The following SNX7 variants were observed in gnomAD, a reference collection of about 807,000 sequenced individuals.
The protein encoded by SNX7 is sorting nexin 7.
A neutral mutation model predicts 48.4 loss-of-function variants in SNX7; 35 were observed. The ratio of observed to expected loss-of-function variants is 0.72; its 90% CI spans 0.55 to 0.96. The LOEUF (loss-of-function observed/expected upper bound fraction) is 0.96. Ranked by LOEUF, SNX7 falls within the 40% of genes least tolerant of loss-of-function variation. SNX7 has a pLI of 0.00. For synonymous variants in SNX7, 190 were observed against 190.2 expected (o/e 1.00, Z 0.01); for missense variants, 553 against 548.9 (o/e 1.01, Z -0.07).
intron 4 of SNX7, among the ~76,000 whole-genome samples, chr1:98,695,226 T>C (rs1434082301): frequency 6.6e-6 from 1 of 152,184 alleles, no homozygotes; most frequent in Non-Finnish European, 1.5e-5. Flanking sequence ...TAGTATCTCA[T>C]TGAGCACTAT....
In SNX7 at chr1:98,738,281, T is replaced by C. The variant is rs72726148; in HGVS notation, c.1170T>C (p.Ala390=). The change falls in exon 8 of 9, where the codon GCT becomes GCC. Residue 390 remains alanine, a synonymous_variant. Coordinates refer to ENST00000306121, the MANE Select transcript of SNX7 (RefSeq NM_015976.5). ...AACTTGAAGATAAAGTGGAATGTGC[T>C]AATAATGCCCTGAAAGCAGATTGGG... ...IGKLEDKVEC[A]NNALKADWER... 7.5e-4 allele frequency: 1,211 copies of C among 1,613,530 alleles called. 11 individuals are homozygous for C. In the East Asian group the frequency reaches 0.021, roughly 28 times the overall value.
chr1:98,672,848 C>T (rs888418471), intron 1 of SNX7, among the ~76,000 whole-genome samples: 21 of 134,006 alleles, frequency 1.6e-4, no homozygotes, highest in African/African-American at 5.7e-4. Flanking sequence ...GGCGTGAACC[C>T]GGGAAGCGGA....
At chr1:98,756,522 T>C (rs1156565627) in intron 8 of SNX7, among the ~76,000 whole-genome samples, 3 of 149,264 alleles carry the variant, frequency 2.0e-5, no homozygotes, top group Non-Finnish European at 4.4e-5. Context: ...GTCTGCCTGA[T>C]GGGATTCTGT....
intron 2 of SNX7, among the ~76,000 whole-genome samples, chr1:98,687,623 G>C (rs1438989147): frequency 6.6e-6 from 1 of 152,046 alleles, no homozygotes; most frequent in Non-Finnish European, 1.5e-5. Context: ...TGCTTTCCTG[G>C]TGTTTTCACT....
rs182834654 is a variant in SNX7 at position 98,740,672 on chromosome 1, A to G, written c.1278+2283A>G. 3.6e-3 allele frequency among the ~76,000 whole-genome samples: 551 copies of G among 152,214 alleles called. 5 individuals carry two copies. Among genetic ancestry groups the G allele is most frequent in the African/African-American group, 0.012 (513 of 41,552 alleles). The stretch of plus-strand genomic sequence containing the variant: ...TTTTTCAGTCTCATTGATTGAATTC[A>G]GTTTATACAAAATGTTCCTTTCTTA... On this transcript the variant is annotated intron_variant, in intron 8 of 8. Transcript: ENST00000306121.
At chr1:98,752,261 G>T (rs907308831) in intron 8 of SNX7, among the ~76,000 whole-genome samples, 3 of 151,800 alleles carry the variant, frequency 2.0e-5, no homozygotes, top group Non-Finnish European at 4.4e-5. Context: ...CTTAGGTTTC[G>T]TACTCAAGAG....
chr1:98,694,221 T>A (rs1251220631), intron 4 of SNX7, among the ~76,000 whole-genome samples: 2 of 151,672 alleles, frequency 1.3e-5, no homozygotes, highest in Non-Finnish European at 2.9e-5. Context: ...ATACAAAAAA[T>A]TAGCCGGGCG....
intron 7 of SNX7, among the ~76,000 whole-genome samples, chr1:98,707,392 A>G (rs1184658808): frequency 6.6e-6 from 1 of 152,208 alleles, no homozygotes; most frequent in Non-Finnish European, 1.5e-5. Context: ...ATACCATCCT[A>G]TGAAAGCCAT....
At chr1:98,667,566 G>C (rs1455593966) in intron 1 of SNX7, among the ~76,000 whole-genome samples, 4 of 151,062 alleles carry the variant, frequency 2.6e-5, no homozygotes, top group African/African-American at 9.7e-5. Context: ...ATTTTTAGTA[G>C]AGATGGGGTT....
chr1:98,720,070 C>T (rs1044216881), intron 7 of SNX7, among the ~76,000 whole-genome samples: 2 of 151,646 alleles, frequency 1.3e-5, no homozygotes, highest in Non-Finnish European at 2.9e-5. Context: ...GATGATAAGA[C>T]TTTCTATATG....
intron 7 of SNX7, among the ~76,000 whole-genome samples, chr1:98,721,590 A>G (rs976711619): frequency 2.0e-5 from 3 of 152,102 alleles, no homozygotes; most frequent in Non-Finnish European, 4.4e-5. Flanking sequence ...GGGAAAAATA[A>G]TATTTACCTT....
At chr1:98,711,376 C>G (rs1030263420) in intron 7 of SNX7, among the ~76,000 whole-genome samples, 3 of 152,112 alleles carry the variant, frequency 2.0e-5, no homozygotes, top group Admixed American at 6.6e-5. Context: ...TAGTTTTCCT[C>G]TAGCACATTT....
chr1:98,700,437 C>T (rs1651687008), intron 6 of SNX7, among the ~76,000 whole-genome samples: 1 of 151,930 alleles, frequency 6.6e-6, no homozygotes, highest in South Asian at 2.1e-4. Flanking sequence ...GAAGGGCTTT[C>T]TTGACATTAA....
Position 98,695,672 on chromosome 1 carries a change from A to C in SNX7, c.794A>C (p.Asn265Thr). 6.3e-7 allele frequency: 1 copy of C among 1,596,748 alleles called. No homozygotes were observed. Among genetic ancestry groups the C allele is most frequent in the Non-Finnish European group, 8.6e-7 (1 of 1,164,218 alleles). ...ATTGAACTATTTAGCCAGAAAATAAATTTGATAGATAAAATATCTCAGAGA... is the reference window on the plus strand; with the variant it reads ...ATTGAACTATTTAGCCAGAAAATAACTTTGATAGATAAAATATCTCAGAGA... ...NFIELFSQKI[N>T]LIDKISQRIY... Residue 265 changes from asparagine to threonine, a missense_variant, in exon 5 of 9, where the codon AAT becomes ACT. Physicochemically the swap from Asn to Thr is moderately conservative, Grantham distance 65 (BLOSUM62 0). Transcript: ENST00000306121.
chr1:98,665,183 T>C (rs752735806), intron 1 of SNX7, among the ~76,000 whole-genome samples: 2 of 152,158 alleles, frequency 1.3e-5, no homozygotes, highest in Non-Finnish European at 2.9e-5. Flanking sequence ...TTTAAAGATA[T>C]TCGGGATCAT....
At chr1:98,702,982 C>T (rs1346599132) in intron 7 of SNX7, among the ~76,000 whole-genome samples, 2 of 152,130 alleles carry the variant, frequency 1.3e-5, no homozygotes, top group Non-Finnish European at 2.9e-5. Flanking sequence ...TGCATCCCCC[C>T]TCCCTGCTTT....
At chr1:98,666,906 G>A (rs752325378) in intron 1 of SNX7, among the ~76,000 whole-genome samples, 1 of 152,172 alleles carries the variant, frequency 6.6e-6, no homozygotes, top group Non-Finnish European at 1.5e-5. Context: ...ATATGTAAAT[G>A]CTTGGTCAGC....
chr1:98,666,684 T>A (rs1570478608), intron 1 of SNX7, among the ~76,000 whole-genome samples: 2 of 152,122 alleles, frequency 1.3e-5, no homozygotes, highest in South Asian at 4.2e-4. Context: ...GGAGAGATGG[T>A]ATAAGTGCTG....
chr1:98,745,788 T>C (rs1359791316), intron 8 of SNX7, among the ~76,000 whole-genome samples: 1 of 152,216 alleles, frequency 6.6e-6, no homozygotes, highest in African/African-American at 2.4e-5. Flanking sequence ...GGTTACATCA[T>C]TGCTACTTTT....
Sources: gnomAD v4.1 joint callset for allele counts (sites outside exome capture counted in the v4.1 genomes callset) on GRCh38, gnomAD v4.1.1 for gene constraint, MANE v1.5 for transcripts, NCBI Gene and HGNC (gene_info 2026-07-23, HGNC 2026-07-21) for gene names.